Variants in ORC4 observed in about 807,000 individuals in gnomAD.
ORC4 encodes origin recognition complex subunit 4.
In ORC4, 55 loss-of-function variants were observed where a neutral mutation model predicts 63.9. The ratio of observed to expected loss-of-function variants is 0.86; its 90% CI spans 0.69 to 1.08. The LOEUF is 1.08. Ranked by LOEUF, ORC4 falls within the 50% of genes least tolerant of loss-of-function variation. The probability of loss-of-function intolerance (pLI) is 0.00; values close to 1 mark genes in which losing one functional copy is unlikely to be tolerated. For synonymous variants in ORC4, 150 were observed against 168.5 expected (o/e 0.89, Z 0.85); for missense variants, 511 against 504.4 (o/e 1.01, Z -0.13).
At chr2:148,021,529 C>T, upstream of ORC4, 1 of 569,864 alleles carries the variant, frequency 1.8e-6, no homozygotes, top group Non-Finnish European at 3.4e-6. Flanking sequence ...GCTGCTTGGC[C>T]CTGGCTGGAG....
At chr2:147,964,617 A>T (rs185246584) in intron 4 of ORC4, among the ~76,000 whole-genome samples, 3 of 152,306 alleles carry the variant, frequency 2.0e-5, no homozygotes, top group African/African-American at 7.2e-5. Context: ...ACACAAACAG[A>T]AGGTCTTCTC....
chr2:148,008,022 G>C (rs76154880), intron 1 of ORC4, among the ~76,000 whole-genome samples: 1 of 152,122 alleles, frequency 6.6e-6, no homozygotes, highest in African/African-American at 2.4e-5. Flanking sequence ...CAAAAACCAC[G>C]TTAACTTTTG....
intron 1 of ORC4, among the ~76,000 whole-genome samples, chr2:147,995,038 G>A (rs1351852452): frequency 1.3e-5 from 2 of 151,716 alleles, no homozygotes; most frequent in Non-Finnish European, 2.9e-5. Context: ...ACCACTCAGC[G>A]CTCTGTGGAT....
intron 1 of ORC4, among the ~76,000 whole-genome samples, chr2:147,986,780 CACACACACAT>C (rs1691221055): frequency 8.1e-6 from 1 of 122,940 alleles, no homozygotes; most frequent in Non-Finnish European, 1.7e-5. Flanking sequence ...TATACAGACA[CACACACACAT>C]ACACACACAC....
At chr2:147,989,341 C>T (rs1340150992) in intron 1 of ORC4, among the ~76,000 whole-genome samples, 2 of 152,142 alleles carry the variant, frequency 1.3e-5, no homozygotes, top group Non-Finnish European at 2.9e-5. Flanking sequence ...TCTGGGCCTG[C>T]ATACCTCAGA....
At chr2:147,935,803 G>A in intron 13 of ORC4, 105 bp from the exon 14 acceptor site, 3 of 854,814 alleles carry the variant, frequency 3.5e-6, no homozygotes, top group Non-Finnish European at 5.8e-6. Context: ...GCAGAACAGA[G>A]TACTGGGAAG....
rs1311676853 is a variant in ORC4 at position 147,986,382 on chromosome 2, T to C, written c.-17-10407A>G. Among the ~76,000 whole-genome samples, 6 of 152,250 alleles carry C rather than the reference T, an allele frequency of 3.9e-5. No homozygotes were observed. The East Asian group carries it at 7.7e-4, about 20-fold the overall frequency. On this transcript the variant is annotated intron_variant, in intron 1 of 13. Coordinates refer to ENST00000392857, the MANE Select transcript of ORC4 (RefSeq NM_181741.4). Reference sequence around the variant, plus strand: ...TTAACCTCACTCTTAAAAGCTATACTTGCATCAATAAAATCTCCTAAACTC... The same window carrying C: ...TTAACCTCACTCTTAAAAGCTATACCTGCATCAATAAAATCTCCTAAACTC...
intron 1 of ORC4, among the ~76,000 whole-genome samples, chr2:148,015,022 T>A (rs948168626): frequency 5.9e-5 from 9 of 151,568 alleles, no homozygotes; most frequent in African/African-American, 2.2e-4. Context: ...GATGCATTGA[T>A]CTAATAATCT....
chr2:147,947,429 T>C (rs1039743906), intron 9 of ORC4, among the ~76,000 whole-genome samples: 1 of 152,060 alleles, frequency 6.6e-6, no homozygotes, highest in Admixed American at 6.6e-5. Flanking sequence ...AAAATGCTAG[T>C]GTGTTGAGAA....
intron 1 of ORC4, among the ~76,000 whole-genome samples, chr2:147,986,792 C>CACACACACACACAT (rs1691225954): frequency 1.3e-5 from 2 of 148,644 alleles, no homozygotes; most frequent in South Asian, 4.3e-4. Flanking sequence ...CACACACATA[C>CACACACACACACAT]ACACACACAC....
intron 1 of ORC4, among the ~76,000 whole-genome samples, chr2:148,003,604 C>T (rs762521328): frequency 7.2e-5 from 11 of 152,256 alleles, no homozygotes; most frequent in East Asian, 3.9e-4. Context: ...ATCGATAGAA[C>T]GTATCTCAAA....
chr2:147,973,426 T>C, intron 3 of ORC4, 22 bp downstream of exon 3: 1 of 1,460,012 alleles, frequency 6.8e-7, no homozygotes, highest in Non-Finnish European at 9.6e-7. Flanking sequence ...TCCATAACAG[T>C]CAAGAGGACA....
At chr2:147,962,065 G>A (rs1229249821) in intron 4 of ORC4, among the ~76,000 whole-genome samples, 1 of 152,148 alleles carries the variant, frequency 6.6e-6, no homozygotes, top group African/African-American at 2.4e-5. Context: ...CAGGGAAGGG[G>A]AAATGTGTAG....
intron 1 of ORC4, among the ~76,000 whole-genome samples, chr2:147,996,033 G>A (rs933675673): frequency 6.6e-6 from 1 of 151,454 alleles, no homozygotes; most frequent in Non-Finnish European, 1.5e-5. Context: ...GGCCAGGTGC[G>A]GTGGCTTACG....
At chr2:147,984,538 G>A (rs1022024814) in intron 1 of ORC4, among the ~76,000 whole-genome samples, 1 of 152,106 alleles carries the variant, frequency 6.6e-6, no homozygotes, top group Non-Finnish European at 1.5e-5. Flanking sequence ...GGGAGGGGGT[G>A]TTTCGACCCC....
intron 13 of ORC4, among the ~76,000 whole-genome samples, chr2:147,937,556 A>C (rs2105254026): frequency 6.6e-6 from 1 of 152,318 alleles, no homozygotes; most frequent in South Asian, 2.1e-4. Flanking sequence ...TTCTTCTATA[A>C]TGATTATAGA....
At chr2:147,937,168 C>T (rs551100041) in intron 13 of ORC4, among the ~76,000 whole-genome samples, 1 of 152,104 alleles carries the variant, frequency 6.6e-6, no homozygotes, top group South Asian at 2.1e-4. Flanking sequence ...GCTCTGTACT[C>T]ATTTTTGTTG....
upstream of ORC4, chr2:148,021,178 A>G: frequency 6.2e-6 from 1 of 161,348 alleles, no homozygotes; most frequent in Non-Finnish European, 1.4e-5. Flanking sequence ...CTATTTTTAA[A>G]GGGACAGGAC....
chr2:147,969,944 C>T (rs943001103), intron 4 of ORC4, among the ~76,000 whole-genome samples: 3 of 151,856 alleles, frequency 2.0e-5, no homozygotes, highest in African/African-American at 7.3e-5. Context: ...GATAACATAA[C>T]TGTCTAAGTA....
Sources: allele counts gnomAD v4.1 joint callset (sites outside exome capture counted in the v4.1 genomes callset), GRCh38; gene constraint gnomAD v4.1.1; transcripts MANE v1.5; gene names NCBI Gene and HGNC (gene_info 2026-07-23, HGNC 2026-07-21).